Variants in LUC7L observed in about 807,000 individuals in gnomAD.
LUC7L encodes putative RNA-binding protein Luc7-like 1.
In LUC7L, 29 loss-of-function variants were observed where a neutral mutation model predicts 51.1. The observed-to-expected ratio is 0.57, with a 90% CI of 0.42 to 0.77. The LOEUF is 0.77. Among genes scored for constraint, LUC7L ranks in the 30% least tolerant of loss-of-function variants. The pLI, the probability that LUC7L is intolerant of heterozygous loss-of-function variation, is 0.00. For synonymous variants in LUC7L, 181 were observed against 180.7 expected (o/e 1.00, Z -0.01); for missense variants, 403 against 511.9 (o/e 0.79, Z 2.05).
intron 1 of LUC7L, chr16:228,223 G>A: frequency 7.7e-7 from 1 of 1,295,332 alleles, no homozygotes; most frequent in Non-Finnish European, 1.0e-6. Context: ...GATTAATGTA[G>A]TGTCTTTTTA....
At chr16:189,378 C>T (rs1187310538) in intron 9 of LUC7L, 39 bp from the exon 10 acceptor site, 2 of 1,578,902 alleles carry the variant, frequency 1.3e-6, no homozygotes, top group South Asian at 1.1e-5. Flanking sequence ...GAGGCTGCTG[C>T]CCCCCTTCTG....
intron 2 of LUC7L, among the ~76,000 whole-genome samples, chr16:223,495 G>C (rs1248482563): frequency 6.6e-6 from 1 of 152,142 alleles, no homozygotes; most frequent in Non-Finnish European, 1.5e-5. Context: ...TGTTTATTTT[G>C]ACGAAAGATT....
At chr16:224,559 G>A (rs542134076) in intron 2 of LUC7L, among the ~76,000 whole-genome samples, 1 of 151,740 alleles carries the variant, frequency 6.6e-6, no homozygotes, top group Non-Finnish European at 1.5e-5. Flanking sequence ...GCCAGGCGCG[G>A]TGGCTCATGC....
intron 1 of LUC7L, 96 bp from the exon 2 acceptor site, chr16:227,432 ATCATT>A (rs1477924154): frequency 7.9e-6 from 12 of 1,515,480 alleles, no homozygotes; most frequent in African/African-American, 1.4e-5. Context: ...TTTGCAGACT[ATCATT>A]TCTGTGTTCT....
chr16:228,528 G>A, intron 1 of LUC7L: 1 of 1,213,454 alleles, frequency 8.2e-7, no homozygotes, highest in Non-Finnish European at 1.1e-6. Flanking sequence ...ATGAAATAAA[G>A]TGCAAATAAT....
intron 3 of LUC7L, among the ~76,000 whole-genome samples, chr16:215,160 C>T (rs1203981): frequency 0.61 from 92,099 of 151,982 alleles, 28,309 homozygotes; most frequent in African/African-American, 0.7. Flanking sequence ...AAGACACATT[C>T]CCAACAGTGG....
intron 5 of LUC7L, 30 bp downstream of exon 5, chr16:205,974 C>A: frequency 1.3e-6 from 2 of 1,589,302 alleles, no homozygotes; most frequent in Non-Finnish European, 1.7e-6. Flanking sequence ...ACTAAGATTT[C>A]TCTTGCCCTA....
At chr16:212,617 G>A (rs902965805) in intron 3 of LUC7L, among the ~76,000 whole-genome samples, 1 of 151,942 alleles carries the variant, frequency 6.6e-6, no homozygotes, top group Non-Finnish European at 1.5e-5. Flanking sequence ...GGTCTCATGT[G>A]GTATATTAAA....
chr16:195,070 C>T (rs1204921852), intron 6 of LUC7L, among the ~76,000 whole-genome samples: 2 of 152,146 alleles, frequency 1.3e-5, no homozygotes, highest in African/African-American at 4.8e-5. Context: ...TAAACTTTCA[C>T]CCATGCTCAT....
At chr16:201,138 C>T (rs2049311965) in intron 5 of LUC7L, among the ~76,000 whole-genome samples, 1 of 129,436 alleles carries the variant, frequency 7.7e-6, no homozygotes, top group Non-Finnish European at 1.6e-5. Context: ...CACAGCAATC[C>T]AGCCTGGGCG....
intron 9 of LUC7L, 177 bp downstream of exon 9, chr16:189,791 G>A (rs1023883083): frequency 4.2e-6 from 6 of 1,422,428 alleles, no homozygotes; most frequent in South Asian, 3.1e-5. Context: ...CGCCGTGCGA[G>A]CTCCTCCACA....
At position 189,249 on chromosome 16, in the gene LUC7L, G is replaced by A. The variant is rs370406226; in HGVS notation, c.1065C>T (p.Asn355=). 427 of 1,613,852 alleles carry A rather than the reference G, an allele frequency of 2.6e-4. No individual in the cohort carries two copies. The highest frequency in any genetic ancestry group is 3.4e-4 in the Non-Finnish European group (397 of 1,179,996). ...GPPDWRLESS[N]GKMASRRSEE... is the part of the protein sequence containing the mutation. ...CTGACCTCCGTGAAGCCATCTTCCCGTTGGAGCTCTCAAGCCTCCAGTCCG... is the reference window on the plus strand; with the variant it reads ...CTGACCTCCGTGAAGCCATCTTCCCATTGGAGCTCTCAAGCCTCCAGTCCG... Residue 355 remains asparagine, a synonymous_variant, in exon 10 of 10, where the codon AAC becomes AAT. Transcript: ENST00000293872.
At chr16:205,316 T>C (rs1344286023) in intron 5 of LUC7L, among the ~76,000 whole-genome samples, 1 of 152,214 alleles carries the variant, frequency 6.6e-6, no homozygotes, top group African/African-American at 2.4e-5. Context: ...TAGCTGGCCA[T>C]ATGCTTAAGT....
chr16:189,387 T>A (rs1340153612), intron 9 of LUC7L, 48 bp from the exon 10 acceptor site: 2 of 1,568,032 alleles, frequency 1.3e-6, no homozygotes, highest in Non-Finnish European at 1.7e-6. Context: ...GCCCCCCTTC[T>A]GCTGGCCGCT....
At chr16:217,636 G>C (rs1379999464) in intron 3 of LUC7L, among the ~76,000 whole-genome samples, 2 of 150,028 alleles carry the variant, frequency 1.3e-5, no homozygotes, top group Non-Finnish European at 3.0e-5. Context: ...GAAACCAGGA[G>C]GCAGAGGTTG....
chr16:206,508 C>A (rs2049487780), intron 4 of LUC7L, among the ~76,000 whole-genome samples: 1 of 152,154 alleles, frequency 6.6e-6, no homozygotes, highest in Non-Finnish European at 1.5e-5. Context: ...CTAGGATTTA[C>A]CTTCTGAAAC....
At chr16:211,968 T>C (rs2049653594) in intron 3 of LUC7L, among the ~76,000 whole-genome samples, 2 of 152,174 alleles carry the variant, frequency 1.3e-5, no homozygotes, top group African/African-American at 4.8e-5. Context: ...GCCCTTGTGC[T>C]GCACTAGGCA....
chr16:213,260 AATG>A (rs2049695827), intron 3 of LUC7L, among the ~76,000 whole-genome samples: 1 of 152,206 alleles, frequency 6.6e-6, no homozygotes, highest in East Asian at 1.9e-4. Context: ...GGAAGCAGCC[AATG>A]ATGAGGACAG....
At chr16:223,833 CTAA>C (rs2050045688) in intron 2 of LUC7L, among the ~76,000 whole-genome samples, 1 of 151,916 alleles carries the variant, frequency 6.6e-6, no homozygotes, top group African/African-American at 2.4e-5. Flanking sequence ...CCACGCCCGG[CTAA>C]TATTTTTGTA....
Sources: allele counts gnomAD v4.1 joint callset (sites outside exome capture counted in the v4.1 genomes callset), GRCh38; gene constraint gnomAD v4.1.1; transcripts MANE v1.5; gene names NCBI Gene and HGNC (gene_info 2026-07-23, HGNC 2026-07-21).